Variants in FRMD5 observed in about 807,000 individuals in gnomAD.
FRMD5 encodes FERM domain containing 5, also known as FERM domain-containing protein 5.
In FRMD5, 20 loss-of-function variants were observed where a neutral mutation model predicts 69.0. The observed-to-expected ratio is 0.29, with a 90% confidence interval of 0.20 to 0.42. FRMD5 has a LOEUF of 0.42. FRMD5 is among the 10% of genes least tolerant of loss of function. FRMD5 has a pLI of 1.00. For synonymous variants in FRMD5, 271 were observed against 260.1 expected, an observed-to-expected ratio of 1.04 and a Z score of -0.40; for missense variants, 595 against 708.6, an observed-to-expected ratio of 0.84 and a Z score of 1.82.
chr15:44,194,988 G>C lies in FRMD5; in HGVS notation c.67C>G (p.Leu23Val). 6.4e-7 allele frequency: 1 copy of C among 1,555,232 alleles called. No homozygotes were observed. Among genetic ancestry groups the C allele is most frequent in the Non-Finnish European group, 8.7e-7 (1 of 1,154,980 alleles). The change falls in exon 1 of 14, where the codon CTG becomes GTG. Residue 23 changes from leucine (L) to valine (V), a missense_variant. Physicochemically the swap from Leu to Val is conservative, Grantham distance 32. Coordinates refer to ENST00000417257, the MANE Select transcript of FRMD5 (RefSeq NM_032892.5). ...LEREYSCTVRLLDDSEYTCTI... is the reference protein window; with the variant it reads ...LEREYSCTVRVLDDSEYTCTI... ...CAGGTGTACTCGCTGTCGTCCAGCA[G>C]CCGCACGGTGCAGCTGTACTCGCGC...
At chr15:43,908,743 T>G (rs556915094) in intron 5 of FRMD5, among the ~76,000 whole-genome samples, 1 of 152,218 alleles carries the variant, frequency 6.6e-6, no homozygotes, top group Middle Eastern at 3.4e-3. Flanking sequence ...TCCCACTGTT[T>G]TGCAAAAAAA....
intron 1 of FRMD5, among the ~76,000 whole-genome samples, chr15:44,152,108 G>A (rs1430188928): frequency 2.0e-5 from 3 of 152,184 alleles, no homozygotes; most frequent in Admixed American, 6.5e-5. Flanking sequence ...TACTCAGGAG[G>A]CTGAGGCATG....
chr15:44,196,465 C>CA (rs529135395), upstream of FRMD5, among the ~76,000 whole-genome samples: 675 of 130,288 alleles, frequency 5.2e-3, 4 homozygotes, highest in Non-Finnish European at 6.6e-3. Flanking sequence ...GCCACCGTCT[C>CA]AAAAAAAAAA....
intron 1 of FRMD5, among the ~76,000 whole-genome samples, chr15:44,039,235 G>A (rs1892074526): frequency 6.6e-6 from 1 of 152,248 alleles, no homozygotes; most frequent in African/African-American, 2.4e-5. Flanking sequence ...AGGGGCAGCT[G>A]CAAGTGCAGC....
chr15:44,049,126 G>A (rs182299355), intron 1 of FRMD5, among the ~76,000 whole-genome samples: 1 of 152,294 alleles, frequency 6.6e-6, no homozygotes, highest in African/African-American at 2.4e-5. Flanking sequence ...GATAGCCCAT[G>A]CAACTGAAAT....
At chr15:43,980,006 A>G (rs2090524400) in intron 1 of FRMD5, among the ~76,000 whole-genome samples, 2 of 152,218 alleles carry the variant, frequency 1.3e-5, no homozygotes, top group African/African-American at 4.8e-5. Flanking sequence ...GAATTCCAAG[A>G]CCAATGTGCT....
At chr15:43,969,213 C>G (rs990027424) in intron 1 of FRMD5, among the ~76,000 whole-genome samples, 5 of 151,826 alleles carry the variant, frequency 3.3e-5, no homozygotes, top group Admixed American at 6.6e-5. Context: ...TCCTGAGTAG[C>G]TGGGACTACA....
chr15:44,078,090 A>G (rs149994167), intron 1 of FRMD5, among the ~76,000 whole-genome samples: 9 of 152,276 alleles, frequency 5.9e-5, no homozygotes, highest in African/African-American at 2.2e-4. Flanking sequence ...AGTCAATCTA[A>G]AACCTTTGCT....
chr15:43,914,642 C>G (rs955922360), intron 4 of FRMD5, among the ~76,000 whole-genome samples: 6 of 151,050 alleles, frequency 4.0e-5, no homozygotes, highest in Non-Finnish European at 5.9e-5. Context: ...AACAAAATAA[C>G]AATAAAGACT....
At chr15:44,193,087 C>T (rs2078222493) in intron 1 of FRMD5, among the ~76,000 whole-genome samples, 1 of 152,190 alleles carries the variant, frequency 6.6e-6, no homozygotes, top group South Asian at 2.1e-4. Flanking sequence ...AATCAAGCAA[C>T]CTCAAAGGTT....
chr15:43,911,730 C>G (rs1394183126), intron 4 of FRMD5, among the ~76,000 whole-genome samples: 1 of 152,196 alleles, frequency 6.6e-6, no homozygotes, highest in Non-Finnish European at 1.5e-5. Flanking sequence ...TTCGAACAGT[C>G]TGAACCAAAA....
At chr15:44,123,981 T>C (rs2076990937) in intron 1 of FRMD5, among the ~76,000 whole-genome samples, 1 of 152,120 alleles carries the variant, frequency 6.6e-6, no homozygotes, top group Non-Finnish European at 1.5e-5. Context: ...TGTTCATATC[T>C]TTTGGTTGTT....
At chr15:43,893,440 C>T (rs1001664453) in intron 7 of FRMD5, among the ~76,000 whole-genome samples, 4 of 152,100 alleles carry the variant, frequency 2.6e-5, no homozygotes, top group Admixed American at 6.6e-5. Context: ...TCCTCACTTG[C>T]GAAAGTGAGC....
chr15:44,175,612 T>TA (rs747569349), intron 1 of FRMD5, among the ~76,000 whole-genome samples: 5 of 152,136 alleles, frequency 3.3e-5, no homozygotes, highest in Non-Finnish European at 5.9e-5. Context: ...TACTTCTAGG[T>TA]ATATACCTAA....
intron 4 of FRMD5, among the ~76,000 whole-genome samples, chr15:43,918,226 C>T (rs998273122): frequency 6.6e-6 from 1 of 152,138 alleles, no homozygotes; most frequent in African/African-American, 2.4e-5. Flanking sequence ...GAGTTCGAGA[C>T]CAGCCTGGTT....
intron 1 of FRMD5, among the ~76,000 whole-genome samples, chr15:44,108,389 A>T (rs2076749390): frequency 6.6e-6 from 1 of 152,212 alleles, no homozygotes. Flanking sequence ...TCATGCCTGT[A>T]ATCCCAGCAC....
At chr15:43,906,853 G>A (rs558956390) in intron 5 of FRMD5, among the ~76,000 whole-genome samples, 4 of 151,770 alleles carry the variant, frequency 2.6e-5, no homozygotes, top group East Asian at 1.9e-4. Context: ...CGCCCGCCTT[G>A]GCCTCCCAAA....
At chr15:43,975,024 T>A (rs2090442570) in intron 1 of FRMD5, among the ~76,000 whole-genome samples, 1 of 152,198 alleles carries the variant, frequency 6.6e-6, no homozygotes, top group South Asian at 2.1e-4. Flanking sequence ...TGTCTCTCTC[T>A]TCTAATGTGC....
At chr15:43,960,191 C>T (rs917378432) in intron 1 of FRMD5, among the ~76,000 whole-genome samples, 2 of 152,196 alleles carry the variant, frequency 1.3e-5, no homozygotes, top group East Asian at 1.9e-4. Flanking sequence ...AGGGTTCATG[C>T]CATTCTCCTG....
Sources: gnomAD v4.1 joint callset for allele counts (sites outside exome capture counted in the v4.1 genomes callset) on GRCh38, gnomAD v4.1.1 for gene constraint, MANE v1.5 for transcripts, NCBI Gene and HGNC (gene_info 2026-07-23, HGNC 2026-07-21) for gene names.